Variants in VWA8 observed in about 807,000 individuals in gnomAD.
VWA8 encodes the protein von Willebrand factor A domain containing 8.
VWA8 carries 221 observed loss-of-function variants against 241.5 expected under a neutral mutation model. The observed-to-expected ratio is 0.91, with a 90% CI of 0.82 to 1.02. The LOEUF (loss-of-function observed/expected upper bound fraction) is 1.02. Ranked by LOEUF, VWA8 falls within the 50% of genes least tolerant of loss-of-function variation. VWA8 has a pLI of 0.00. For missense variants in VWA8, 2,322 were observed against 2,328.7 expected (o/e 1.00, Z 0.06); for synonymous variants, 852 against 827.1 (o/e 1.03, Z -0.52).
chr13:41,927,102 A>G (rs1192247591), intron 2 of VWA8: 2 of 381,436 alleles, frequency 5.2e-6, no homozygotes, highest in Non-Finnish European at 1.0e-5. Context: ...CCTGTGCCGC[A>G]GCAGCGGGTT....
intron 12 of VWA8, among the ~76,000 whole-genome samples, chr13:41,841,133 T>C (rs1233079904): frequency 6.6e-6 from 1 of 152,170 alleles, no homozygotes; most frequent in Non-Finnish European, 1.5e-5. Flanking sequence ...AAGTATATTA[T>C]GACAATGAAC....
chr13:41,644,767 C>T (rs1168520806), intron 37 of VWA8, among the ~76,000 whole-genome samples: 4 of 152,234 alleles, frequency 2.6e-5, no homozygotes, highest in Non-Finnish European at 2.9e-5. Flanking sequence ...ATATAGCTTA[C>T]ACTGATTTCA....
intron 18 of VWA8, 59 bp from the exon 19 acceptor site, chr13:41,783,960 C>T (rs1869020759): frequency 2.4e-6 from 3 of 1,260,132 alleles, no homozygotes; most frequent in Non-Finnish European, 1.1e-6. Flanking sequence ...AGATGCCAAG[C>T]CACCCAACAC....
chr13:41,644,092 A>C (rs1047238793), intron 37 of VWA8, among the ~76,000 whole-genome samples: 1 of 152,004 alleles, frequency 6.6e-6, no homozygotes, highest in African/African-American at 2.4e-5. Flanking sequence ...TAAGGGCAAC[A>C]ATTTTAGCAT....
At chr13:41,747,013 G>C (rs1474835060) in intron 21 of VWA8, among the ~76,000 whole-genome samples, 2 of 152,164 alleles carry the variant, frequency 1.3e-5, no homozygotes, top group African/African-American at 2.4e-5. Context: ...TTGTAATATA[G>C]TTTGAAGTCA....
intron 12 of VWA8, among the ~76,000 whole-genome samples, chr13:41,854,166 T>C (rs1872641673): frequency 6.6e-6 from 1 of 152,182 alleles, no homozygotes; most frequent in Non-Finnish European, 1.5e-5. Flanking sequence ...AACAAATTAC[T>C]CTTTTCCATT....
At chr13:41,763,455 T>A (rs943695506) in intron 20 of VWA8, among the ~76,000 whole-genome samples, 4 of 152,154 alleles carry the variant, frequency 2.6e-5, no homozygotes, top group African/African-American at 9.7e-5. Flanking sequence ...GAACAATGGA[T>A]CATTTCATCT....
chr13:41,904,206 C>T (rs924678715), intron 4 of VWA8, among the ~76,000 whole-genome samples: 23 of 152,142 alleles, frequency 1.5e-4, no homozygotes, highest in Admixed American at 2.6e-4. Flanking sequence ...TTTAGATAAT[C>T]GATAAATTTA....
intron 37 of VWA8, among the ~76,000 whole-genome samples, chr13:41,630,399 A>T (rs76740189): frequency 6.6e-6 from 1 of 151,724 alleles, no homozygotes; most frequent in Non-Finnish European, 1.5e-5. Flanking sequence ...CCATCTCTCT[A>T]TACCAACCCA....
chr13:41,655,096 T>A (rs985049482), intron 37 of VWA8, among the ~76,000 whole-genome samples: 3 of 151,722 alleles, frequency 2.0e-5, no homozygotes, highest in African/African-American at 7.3e-5. Flanking sequence ...TGAAATTTTT[T>A]TTTTTTTTTT....
chr13:41,926,210 G>A (rs184033191), intron 2 of VWA8: 2 of 690,468 alleles, frequency 2.9e-6, no homozygotes, highest in African/African-American at 1.8e-5. Context: ...TCACACTGCT[G>A]TCTCCCCACA....
intron 12 of VWA8, among the ~76,000 whole-genome samples, chr13:41,849,297 C>A (rs1007896256): frequency 2.6e-5 from 4 of 152,138 alleles, no homozygotes; most frequent in African/African-American, 9.7e-5. Context: ...ATTTACTTTT[C>A]ATTTCCAGGG....
intron 2 of VWA8, among the ~76,000 whole-genome samples, chr13:41,949,304 G>T (rs919153905): frequency 5.3e-5 from 8 of 152,140 alleles, no homozygotes; most frequent in Non-Finnish European, 1.2e-4. Context: ...CATAAAAAAT[G>T]ATGAGTTCAT....
At chr13:41,602,250 G>T (rs2044526268) in intron 40 of VWA8, among the ~76,000 whole-genome samples, 2 of 152,060 alleles carry the variant, frequency 1.3e-5, no homozygotes, top group Non-Finnish European at 2.9e-5. Flanking sequence ...TTGGCATTTG[G>T]ATAATGATGC....
Position 41,567,486 on chromosome 13 carries a change from T to C in VWA8, c.*711A>G, listed in dbSNP as rs2044268765. 6.6e-6 allele frequency: 1 copy of C among 152,202 alleles called. No individual in the cohort carries two copies. Among genetic ancestry groups the C allele is most frequent in the Non-Finnish European group, 1.5e-5 (1 of 68,042 alleles). 9.4% of individuals were successfully genotyped at this position (152,202 alleles called of 1,614,324 possible). On this transcript the variant is annotated 3_prime_UTR_variant, in exon 45 of 45. Coordinates refer to ENST00000379310, the MANE Select transcript of VWA8 (RefSeq NM_015058.2). The stretch of plus-strand genomic sequence containing the variant: ...AACAGTAAACTTTTAAGGCAAGACA[T>C]CTTTCTCCTCCCACTCTAGCAGCAA...
At chr13:41,711,657 G>A (rs900820206) in intron 26 of VWA8, among the ~76,000 whole-genome samples, 7 of 152,112 alleles carry the variant, frequency 4.6e-5, no homozygotes, top group Non-Finnish European at 7.4e-5. Context: ...GGCAGATCAC[G>A]AGGTCAGGAG....
At chr13:41,886,975 T>C (rs1874573998) in intron 6 of VWA8, 145 bp from the exon 7 acceptor site, 3 of 878,316 alleles carry the variant, frequency 3.4e-6, no homozygotes, top group Non-Finnish European at 5.0e-6. Flanking sequence ...TACATTTCAT[T>C]TTCTAAAAGA....
At chr13:41,629,569 G>A (rs771958557) in intron 37 of VWA8, among the ~76,000 whole-genome samples, 56 of 152,074 alleles carry the variant, frequency 3.7e-4, no homozygotes, top group Non-Finnish European at 7.5e-4. Flanking sequence ...TCTCAATACT[G>A]TAATAAAAGT....
chr13:41,797,292 G>A (rs572488488), intron 17 of VWA8, among the ~76,000 whole-genome samples: 5 of 150,582 alleles, frequency 3.3e-5, no homozygotes, highest in East Asian at 3.9e-4. Flanking sequence ...CACCCACCTC[G>A]GCCTCCCAAA....
Sources: allele counts gnomAD v4.1 joint callset (sites outside exome capture counted in the v4.1 genomes callset), GRCh38; gene constraint gnomAD v4.1.1; transcripts MANE v1.5; gene names NCBI Gene and HGNC (gene_info 2026-07-23, HGNC 2026-07-21).